GRID2: variants seen among roughly 807,000 people sequenced by gnomAD.
GRID2 encodes glutamate receptor ionotropic, delta-2.
GRID2 carries 33 observed loss-of-function variants against 114.8 expected under a neutral mutation model. That is an observed-to-expected ratio of 0.29 (90% CI 0.22 to 0.38). The LOEUF (loss-of-function observed/expected upper bound fraction) is 0.38. Ranked by LOEUF, GRID2 falls within the 10% of genes least tolerant of loss-of-function variation. The pLI is 1.00. For missense variants in GRID2, 1,184 were observed against 1,257.7 expected, an observed-to-expected ratio of 0.94 and a Z score of 0.89; for synonymous variants, 505 against 449.9, an observed-to-expected ratio of 1.12 and a Z score of -1.55.
chr4:93,546,989 T>C (rs1733284239), intron 13 of GRID2, among the ~76,000 whole-genome samples: 1 of 152,154 alleles, frequency 6.6e-6, no homozygotes, highest in Non-Finnish European at 1.5e-5. Flanking sequence ...GTCTAGGGTC[T>C]TTCTAATTTT....
intron 1 of GRID2, among the ~76,000 whole-genome samples, chr4:92,329,962 AAGG>A (rs1374109651): frequency 4.7e-5 from 7 of 147,814 alleles, no homozygotes; most frequent in Admixed American, 4.1e-4. Flanking sequence ...AGGGAAGAGA[AAGG>A]AGAAAAAGGA....
chr4:92,888,565 C>T lies in GRID2; in HGVS notation c.245-196430C>T, dbSNP rs577688638. Among the ~76,000 whole-genome samples, 5 of 152,036 alleles carry T rather than the reference C, an allele frequency of 3.3e-5. No homozygotes were observed. In the South Asian group the frequency reaches 1.0e-3, roughly 32 times the overall value. ...TGTGGCGCTGGGGGGATGAAACTAA[C>T]GTCTTTCAGTAAGTAAATGTTTAAT... On this transcript the variant is annotated intron_variant, in intron 2 of 15. Coordinates refer to ENST00000282020, the MANE Select transcript of GRID2 (RefSeq NM_001510.4).
chr4:92,834,154 G>T (rs751200156), intron 2 of GRID2, among the ~76,000 whole-genome samples: 3 of 151,964 alleles, frequency 2.0e-5, no homozygotes, highest in Non-Finnish European at 1.5e-5. Context: ...TATTTATATT[G>T]CAATGTAAGA....
At chr4:92,418,008 A>T (rs1167441999) in intron 1 of GRID2, among the ~76,000 whole-genome samples, 3 of 152,158 alleles carry the variant, frequency 2.0e-5, no homozygotes, top group Non-Finnish European at 2.9e-5. Flanking sequence ...GAGTCCATTA[A>T]ACCTCTTTTA....
chr4:93,443,177 G>A (rs1018117667), intron 10 of GRID2, among the ~76,000 whole-genome samples: 3 of 151,868 alleles, frequency 2.0e-5, no homozygotes, highest in Non-Finnish European at 2.9e-5. Flanking sequence ...TAACAGAGCA[G>A]CCAAAGTGAT....
chr4:93,518,614 G>A (rs1268794269), intron 13 of GRID2, among the ~76,000 whole-genome samples: 1 of 152,074 alleles, frequency 6.6e-6, no homozygotes, highest in African/African-American at 2.4e-5. Flanking sequence ...TCTGTGGTAT[G>A]TTCAGTAGTG....
At chr4:92,837,832 G>T (rs1742574039) in intron 2 of GRID2, among the ~76,000 whole-genome samples, 1 of 151,990 alleles carries the variant, frequency 6.6e-6, no homozygotes, top group Non-Finnish European at 1.5e-5. Context: ...CAACCTAATT[G>T]TGGTTAAACA....
At chr4:92,422,190 T>G (rs1731940737) in intron 1 of GRID2, among the ~76,000 whole-genome samples, 1 of 151,908 alleles carries the variant, frequency 6.6e-6, no homozygotes, top group South Asian at 2.1e-4. Flanking sequence ...TGGCAGAGGG[T>G]AGGCAGCAGG....
chr4:92,436,115 T>C (rs1167648423), intron 1 of GRID2, among the ~76,000 whole-genome samples: 1 of 152,176 alleles, frequency 6.6e-6, no homozygotes. Flanking sequence ...TGGTGGATCC[T>C]ACATGCTATG....
chr4:92,385,474 G>A (rs1045990386), intron 1 of GRID2, among the ~76,000 whole-genome samples: 1 of 151,488 alleles, frequency 6.6e-6, no homozygotes, highest in Admixed American at 6.6e-5. Flanking sequence ...TCTAAGGTAA[G>A]GAAATCAAAC....
At chr4:93,088,380 T>G (rs1403015740) in intron 3 of GRID2, among the ~76,000 whole-genome samples, 1 of 152,160 alleles carries the variant, frequency 6.6e-6, no homozygotes, top group East Asian at 1.9e-4. Context: ...CAATGCAAAC[T>G]ATGAGATAAA....
chr4:92,701,921 A>G (rs1734693061), intron 2 of GRID2, among the ~76,000 whole-genome samples: 1 of 152,144 alleles, frequency 6.6e-6, no homozygotes, highest in Non-Finnish European at 1.5e-5. Context: ...GCAAATTATT[A>G]TACATATACT....
At chr4:93,517,942 T>G (rs1461517243) in intron 13 of GRID2, among the ~76,000 whole-genome samples, 1 of 38,636 alleles carries the variant, frequency 2.6e-5, no homozygotes, top group Non-Finnish European at 6.7e-5. Flanking sequence ...TGTATGTATA[T>G]ACATACATGT....
intron 1 of GRID2, among the ~76,000 whole-genome samples, chr4:93,801,824 G>A (rs984942320): frequency 1.3e-5 from 2 of 152,142 alleles, no homozygotes; most frequent in African/African-American, 2.4e-5. Context: ...GGGAAATTTG[G>A]TTAAACTAAT....
rs961093594 is a variant in GRID2 at position 93,535,115 on chromosome 4, G to T, written c.2193+19704G>T. Reference sequence around the variant, plus strand: ...TTCCACATGTAAATGAGATCATGCAGTATGTCTTTTTATGTCTGGCTGCTT... The same window carrying T: ...TTCCACATGTAAATGAGATCATGCATTATGTCTTTTTATGTCTGGCTGCTT... On this transcript the variant is annotated intron_variant, in intron 13 of 15. Coordinates refer to ENST00000282020, the MANE Select transcript of GRID2 (RefSeq NM_001510.4). 4.0e-5 allele frequency among the ~76,000 whole-genome samples: 6 copies of T among 151,874 alleles called. No homozygotes were observed. In the East Asian group the frequency reaches 9.7e-4, roughly 25 times the overall value.
At chr4:92,602,867 A>G (rs1231670594) in intron 2 of GRID2, among the ~76,000 whole-genome samples, 2 of 151,670 alleles carry the variant, frequency 1.3e-5, no homozygotes, top group African/African-American at 4.9e-5. Context: ...CTCAGGATAC[A>G]AAATCAATGT....
intron 2 of GRID2, among the ~76,000 whole-genome samples, chr4:92,723,647 G>T (rs551354550): frequency 6.6e-6 from 1 of 152,166 alleles, no homozygotes; most frequent in African/African-American, 2.4e-5. Flanking sequence ...TTTCAGAATT[G>T]CTGTTTCTTG....
At chr4:92,764,966 G>C (rs548485721) in intron 2 of GRID2, among the ~76,000 whole-genome samples, 2 of 152,268 alleles carry the variant, frequency 1.3e-5, no homozygotes, top group South Asian at 4.2e-4. Flanking sequence ...TGTTGCTCAT[G>C]TATGTATAAT....
intron 13 of GRID2, among the ~76,000 whole-genome samples, chr4:93,622,145 T>C (rs1170525292): frequency 6.6e-6 from 1 of 152,100 alleles, no homozygotes; most frequent in Non-Finnish European, 1.5e-5. Context: ...TCACTGTAAA[T>C]TTAGACCTAG....
Sources: allele counts gnomAD v4.1 joint callset (sites outside exome capture counted in the v4.1 genomes callset), GRCh38; gene constraint gnomAD v4.1.1; transcripts MANE v1.5; gene names NCBI Gene and HGNC (gene_info 2026-07-23, HGNC 2026-07-21).